Variants in GTF2A1L observed in about 807,000 individuals in gnomAD.
The protein encoded by GTF2A1L is general transcription factor IIA subunit 1 like.
In GTF2A1L, 48 loss-of-function variants were observed where a neutral mutation model predicts 49.7. That is an observed-to-expected ratio of 0.97 (90% CI 0.77 to 1.23). The LOEUF (loss-of-function observed/expected upper bound fraction) is 1.23, where lower values mean the gene tolerates loss of function less well. GTF2A1L is among the 50% of genes most tolerant of loss of function. The pLI is 0.00. For synonymous variants in GTF2A1L, 246 were observed against 193.5 expected (o/e 1.27, Z -2.25); for missense variants, 736 against 564.8 (o/e 1.30, Z -3.07).
intron 6 of GTF2A1L, among the ~76,000 whole-genome samples, chr2:48,660,731 C>G (rs999135205): frequency 2.0e-5 from 3 of 152,046 alleles, no homozygotes; most frequent in Admixed American, 2.0e-4. Flanking sequence ...ACCTCTGCCT[C>G]CTGAGTTCAA....
chr2:48,620,873 T>C lies in GTF2A1L; in HGVS notation c.44T>C (p.Ile15Thr). 6.3e-7 allele frequency: 1 copy of C among 1,593,962 alleles called. No homozygotes were observed. The highest frequency in any genetic ancestry group is 8.5e-7 in the Non-Finnish European group (1 of 1,170,772). Residue 15 changes from isoleucine to threonine, a missense_variant, in exon 2 of 9, where the codon ATT becomes ACT. Ile to Thr is a moderately conservative substitution (Grantham distance 89). Transcript: ENST00000403751. ...TAGCCTAAACTCTACAGATCTGTAA[T>C]TGAAGATGTAATTGAAGGAGTTCGG... ...NPVPKLYRSV[I>T]EDVIEGVRNL...
intron 6 of GTF2A1L, among the ~76,000 whole-genome samples, chr2:48,666,584 GGTGTGTGT>G (rs113492704): frequency 8.8e-5 from 13 of 147,044 alleles, no homozygotes; most frequent in African/African-American, 2.7e-4. Context: ...AACTTGTCAG[GGTGTGTGT>G]GTGTGTGTGT....
At chr2:48,655,429 A>G (rs963715023) in intron 6 of GTF2A1L, among the ~76,000 whole-genome samples, 7 of 152,088 alleles carry the variant, frequency 4.6e-5, no homozygotes, top group African/African-American at 1.7e-4. Context: ...GGCCTCAAGC[A>G]CTTGTCTCAC....
chr2:48,618,216 C>T (rs376813797), intron 1 of GTF2A1L: 18 of 325,168 alleles, frequency 5.5e-5, no homozygotes, highest in Middle Eastern at 8.3e-4. Flanking sequence ...TACTAGAAAA[C>T]CTCCAAGTTC....
rs549870795 is a variant in GTF2A1L at position 48,624,565 on chromosome 2, G to C, written c.247+3275G>C. Among the ~76,000 whole-genome samples the C allele has an allele frequency of 2.5e-4, 36 of 144,008 alleles. 1 individual carries two copies. Among genetic ancestry groups the C allele is most frequent in the African/African-American group, 8.6e-4 (35 of 40,628 alleles). 94.5% of individuals were successfully genotyped at this position (144,008 alleles called of 152,430 possible). The stretch of plus-strand genomic sequence containing the variant: ...TGCTCATTTTAGGTACTTTTAGTAT[G>C]CCTTAAGTCTTCTCTTTTAGCAAAA... On this transcript the variant is annotated intron_variant, in intron 3 of 8. Coordinates refer to ENST00000403751, the MANE Select transcript of GTF2A1L (RefSeq NM_006872.5).
chr2:48,639,921 A>C (rs1168764354), intron 3 of GTF2A1L, among the ~76,000 whole-genome samples: 2 of 152,228 alleles, frequency 1.3e-5, no homozygotes, highest in Non-Finnish European at 2.9e-5. Context: ...GAAGACATAC[A>C]TGCAGCCAAC....
At chr2:48,667,455 C>A (rs927893839) in intron 6 of GTF2A1L, among the ~76,000 whole-genome samples, 3 of 152,130 alleles carry the variant, frequency 2.0e-5, no homozygotes, top group Non-Finnish European at 4.4e-5. Context: ...AGCTTTTGTT[C>A]ATTGTTAGTA....
intron 6 of GTF2A1L, among the ~76,000 whole-genome samples, chr2:48,650,697 A>G (rs1466395918): frequency 6.6e-6 from 1 of 152,190 alleles, no homozygotes; most frequent in African/African-American, 2.4e-5. Context: ...AAGAAAGCCA[A>G]TTTAACAAAA....
chr2:48,618,366 CA>C, intron 1 of GTF2A1L, among the ~76,000 whole-genome samples: 1 of 152,330 alleles, frequency 6.6e-6, no homozygotes, highest in Non-Finnish European at 1.5e-5. Context: ...TGTCCTTTAA[CA>C]ACTTAATGCT....
chr2:48,673,830 A>C (rs1281443877), intron 8 of GTF2A1L, among the ~76,000 whole-genome samples: 1 of 152,124 alleles, frequency 6.6e-6, no homozygotes, highest in East Asian at 1.9e-4. Flanking sequence ...AGAGATAAGG[A>C]CACTTATTTT....
intron 3 of GTF2A1L, chr2:48,632,999 T>G (rs889728706): frequency 8.9e-6 from 2 of 223,510 alleles, no homozygotes; most frequent in Admixed American, 5.7e-5. Flanking sequence ...GTGCTTGGTT[T>G]GTTCTACAGC....
At chr2:48,666,814 GT>G (rs1678871251) in intron 6 of GTF2A1L, among the ~76,000 whole-genome samples, 3 of 151,716 alleles carry the variant, frequency 2.0e-5, no homozygotes, top group Middle Eastern at 3.2e-3. Context: ...CTTGTTATCT[GT>G]GCTGAAATTC....
intron 6 of GTF2A1L, among the ~76,000 whole-genome samples, chr2:48,665,649 G>C (rs1404052422): frequency 6.6e-6 from 1 of 151,812 alleles, no homozygotes; most frequent in Non-Finnish European, 1.5e-5. Flanking sequence ...TCTGTTACTG[G>C]TTTCTAGTGT....
chr2:48,667,123 T>TG (rs1227609028), intron 6 of GTF2A1L, among the ~76,000 whole-genome samples: 1 of 151,382 alleles, frequency 6.6e-6, no homozygotes, highest in South Asian at 2.1e-4. Context: ...TAATTTTTTT[T>TG]TTTTTTTGTA....
At chr2:48,626,172 G>C (rs1038292190) in intron 3 of GTF2A1L, among the ~76,000 whole-genome samples, 3 of 144,030 alleles carry the variant, frequency 2.1e-5, no homozygotes, top group African/African-American at 7.4e-5. Flanking sequence ...TTGAAAATCA[G>C]TTGACCATAT....
At chr2:48,640,300 A>C (rs1677131475) in intron 3 of GTF2A1L, among the ~76,000 whole-genome samples, 1 of 152,220 alleles carries the variant, frequency 6.6e-6, no homozygotes. Flanking sequence ...CTAAATGCTC[A>C]TCAGTGACTG....
At chr2:48,658,902 G>A (rs1174381989) in intron 6 of GTF2A1L, among the ~76,000 whole-genome samples, 2 of 151,944 alleles carry the variant, frequency 1.3e-5, no homozygotes, top group Non-Finnish European at 2.9e-5. Flanking sequence ...AATCTAGCTA[G>A]TGCTTGCTTG....
intron 3 of GTF2A1L, among the ~76,000 whole-genome samples, chr2:48,639,771 G>T (rs1677101996): frequency 1.3e-5 from 2 of 152,102 alleles, no homozygotes; most frequent in Non-Finnish European, 2.9e-5. Flanking sequence ...CCTACAGAAT[G>T]GAAGAAAATA....
At chr2:48,678,525 T>G (rs1372462181) in intron 8 of GTF2A1L, among the ~76,000 whole-genome samples, 1 of 152,106 alleles carries the variant, frequency 6.6e-6, no homozygotes, top group Non-Finnish European at 1.5e-5. Flanking sequence ...ACTCTTGATC[T>G]CAGATCATAT....
Sources: allele counts gnomAD v4.1 joint callset (sites outside exome capture counted in the v4.1 genomes callset), GRCh38; gene constraint gnomAD v4.1.1; transcripts MANE v1.5; gene names NCBI Gene and HGNC (gene_info 2026-07-23, HGNC 2026-07-21).